GLI3: variants seen among roughly 807,000 people sequenced by gnomAD.
GLI3 encodes the protein transcription activator GLI3.
Under a neutral mutation model 100.8 loss-of-function variants are expected in GLI3, and 20 were observed. The ratio of observed to expected loss-of-function variants is 0.20; its 90% CI spans 0.14 to 0.29. The LOEUF (loss-of-function observed/expected upper bound fraction) is 0.29. Among genes scored for constraint, GLI3 ranks in the 10% least tolerant of loss-of-function variants. The pLI is 1.00. For synonymous variants in GLI3, 938 were observed against 860.5 expected, an observed-to-expected ratio of 1.09 and a Z score of -1.58; for missense variants, 2,040 against 2,128.5, an observed-to-expected ratio of 0.96 and a Z score of 0.82.
intron 4 of GLI3, among the ~76,000 whole-genome samples, chr7:42,076,485 T>G (rs1214199832): frequency 2.0e-5 from 3 of 152,228 alleles, no homozygotes; most frequent in African/African-American, 7.2e-5. Context: ...CTTTTTAATT[T>G]AGTATTTACA....
chr7:42,109,558 G>A (rs1785654305), intron 3 of GLI3, among the ~76,000 whole-genome samples: 1 of 152,190 alleles, frequency 6.6e-6, no homozygotes, highest in Non-Finnish European at 1.5e-5. Flanking sequence ...AAACCAGCAG[G>A]GCACTGGCAT....
chr7:42,255,096 G>C (rs1473881396), intron 1 of GLI3, among the ~76,000 whole-genome samples: 1 of 114,012 alleles, frequency 8.8e-6, no homozygotes, highest in Admixed American at 8.7e-5. Flanking sequence ...TTGCATCTTT[G>C]TGCATAGGAT....
At chr7:42,053,553 A>G (rs1184010284) in intron 4 of GLI3, among the ~76,000 whole-genome samples, 1 of 152,232 alleles carries the variant, frequency 6.6e-6, no homozygotes, top group Non-Finnish European at 1.5e-5. Context: ...CTTGTTAAAA[A>G]TCTTCATTTG....
intron 3 of GLI3, among the ~76,000 whole-genome samples, chr7:42,112,970 C>T (rs1041208460): frequency 3.1e-4 from 47 of 152,196 alleles, no homozygotes; most frequent in African/African-American, 9.9e-4. Flanking sequence ...GTCAGGAGTT[C>T]GAGACCAGCC....
At chr7:42,158,719 G>A (rs975263498) in intron 2 of GLI3, among the ~76,000 whole-genome samples, 2 of 152,104 alleles carry the variant, frequency 1.3e-5, no homozygotes, top group Non-Finnish European at 2.9e-5. Context: ...TTGAACTCCT[G>A]ACCTCAGGTG....
At chr7:42,166,516 A>G (rs1326432760) in intron 2 of GLI3, among the ~76,000 whole-genome samples, 1 of 151,746 alleles carries the variant, frequency 6.6e-6, no homozygotes, top group Non-Finnish European at 1.5e-5. Context: ...GGCCTTGGCA[A>G]TGGGGCCCCA....
At chr7:42,095,955 T>C (rs1188818069) in intron 3 of GLI3, among the ~76,000 whole-genome samples, 1 of 151,894 alleles carries the variant, frequency 6.6e-6, no homozygotes, top group South Asian at 2.1e-4. Flanking sequence ...GAAGCAGAGT[T>C]GTGCAAGGAG....
intron 2 of GLI3, among the ~76,000 whole-genome samples, chr7:42,157,545 A>G (rs541676760): frequency 9.2e-5 from 14 of 152,318 alleles, no homozygotes; most frequent in African/African-American, 3.4e-4. Flanking sequence ...GAATTTTTGG[A>G]CGAAAGGAAG....
At chr7:41,975,021 A>G (rs745752807) in intron 12 of GLI3, among the ~76,000 whole-genome samples, 22 of 152,228 alleles carry the variant, frequency 1.4e-4, no homozygotes, top group Non-Finnish European at 2.9e-5. Context: ...GTCTCCCTAT[A>G]GGAAAGAGGG....
At chr7:41,978,042 A>T in intron 11 of GLI3, 1 of 425,956 alleles carries the variant, frequency 2.3e-6, no homozygotes, top group Non-Finnish European at 4.4e-6. Context: ...CACAAAGTTC[A>T]TTAATATAGC....
intron 10 of GLI3, among the ~76,000 whole-genome samples, chr7:41,989,804 G>T (rs1481344883): frequency 6.6e-6 from 1 of 151,630 alleles, no homozygotes; most frequent in Admixed American, 6.6e-5. Flanking sequence ...AGGCTGAGGC[G>T]GGAGGATTGC....
chr7:42,025,952 C>G, intron 8 of GLI3, among the ~76,000 whole-genome samples: 1 of 152,212 alleles, frequency 6.6e-6, no homozygotes, highest in Admixed American at 6.5e-5. Context: ...CACAGTGAAG[C>G]CTTATCAAGC....
chr7:42,180,619 A>G (rs1787573460), intron 2 of GLI3, among the ~76,000 whole-genome samples: 1 of 152,224 alleles, frequency 6.6e-6, no homozygotes, highest in South Asian at 2.1e-4. Flanking sequence ...GCCTTTAGAC[A>G]GCAGCCAAAC....
In GLI3 at chr7:41,978,601, T is replaced by G; in HGVS notation, c.1645A>C (p.Thr549Pro). ...RHTGEKPHKC[T>P]FEGCTKAYSR... is the part of the protein sequence containing the mutation. ...CTGCCACCCACTTCTGTACTCACAGTGCATTTGTGAGGCTTCTCGCCCGTG... is the reference window on the plus strand; with the variant it reads ...CTGCCACCCACTTCTGTACTCACAGGGCATTTGTGAGGCTTCTCGCCCGTG... Residue 549 changes from threonine to proline, a missense_variant and splice_region_variant, in exon 11 of 15, where the codon ACT becomes CCT. Thr to Pro is a conservative substitution (Grantham distance 38, BLOSUM62 -1). Coordinates refer to ENST00000395925, the MANE Select transcript of GLI3 (RefSeq NM_000168.6). The G allele has an allele frequency of 6.2e-7, 1 of 1,614,104 alleles. No individual in the cohort carries two copies. The highest frequency in any genetic ancestry group is 2.2e-5 in the East Asian group (1 of 44,878).
chr7:42,233,863 C>A (rs1008489585), intron 1 of GLI3, among the ~76,000 whole-genome samples: 8 of 152,168 alleles, frequency 5.3e-5, no homozygotes, highest in Admixed American at 2.0e-4. Flanking sequence ...TAGAGTGGAA[C>A]CTTTTGTTTA....
chr7:42,233,005 T>A (rs1788724376), intron 1 of GLI3, among the ~76,000 whole-genome samples: 1 of 152,208 alleles, frequency 6.6e-6, no homozygotes, highest in African/African-American at 2.4e-5. Flanking sequence ...GTCTCTCATT[T>A]TCAGGGGCCA....
At chr7:42,260,172 T>C (rs1217014708) in intron 1 of GLI3, among the ~76,000 whole-genome samples, 1 of 152,238 alleles carries the variant, frequency 6.6e-6, no homozygotes, top group Non-Finnish European at 1.5e-5. Context: ...CTAGAGCATA[T>C]GATAATTTCT....
intron 10 of GLI3, among the ~76,000 whole-genome samples, chr7:42,020,889 CAAAAAAAAA>C (rs371389453): frequency 6.8e-4 from 77 of 113,098 alleles, no homozygotes; most frequent in African/African-American, 2.1e-3. Context: ...GACTCCGTCT[CAAAAAAAAA>C]AAAAAAAAAA....
intron 1 of GLI3, among the ~76,000 whole-genome samples, chr7:42,251,418 C>T (rs983532627): frequency 1.3e-5 from 2 of 152,204 alleles, no homozygotes; most frequent in Admixed American, 6.5e-5. Flanking sequence ...GCTTAGGCGG[C>T]GATGCTCTAA....
Sources: gnomAD v4.1 joint callset for allele counts (sites outside exome capture counted in the v4.1 genomes callset) on GRCh38, gnomAD v4.1.1 for gene constraint, MANE v1.5 for transcripts, NCBI Gene and HGNC (gene_info 2026-07-23, HGNC 2026-07-21) for gene names.